HLTF: variants seen among roughly 807,000 people sequenced by gnomAD.
The protein encoded by HLTF is DNA-dependent ATPase/E3 ubiquitin-protein ligase HLTF.
A neutral mutation model predicts 129.4 loss-of-function variants in HLTF; 127 were observed. The observed-to-expected ratio is 0.98, with a 90% CI of 0.85 to 1.14. HLTF has a LOEUF of 1.14. Ranked by LOEUF, HLTF falls within the 50% of genes most tolerant of loss-of-function variation. The pLI is 0.00. For synonymous variants in HLTF, 332 were observed against 388.8 expected (o/e 0.85, Z 1.72); for missense variants, 1,139 against 1,187.1 (o/e 0.96, Z 0.60).
At chr3:149,035,326 G>C (rs1715479052) in intron 23 of HLTF, among the ~76,000 whole-genome samples, 1 of 151,580 alleles carries the variant, frequency 6.6e-6, no homozygotes, top group South Asian at 2.1e-4. Flanking sequence ...AGCAGAAAAA[G>C]GTTATACATC....
At chr3:149,053,305 C>A (rs1019752388) in intron 14 of HLTF, among the ~76,000 whole-genome samples, 39 of 152,106 alleles carry the variant, frequency 2.6e-4, no homozygotes, top group Admixed American at 2.3e-3. Flanking sequence ...GCGGTGGATC[C>A]CTCCTGAGTG....
At chr3:149,040,527 A>G (rs891715437) in intron 20 of HLTF, among the ~76,000 whole-genome samples, 10 of 152,060 alleles carry the variant, frequency 6.6e-5, no homozygotes, top group African/African-American at 2.4e-4. Flanking sequence ...ATCCATCTTA[A>G]TGGCTTATAA....
intron 13 of HLTF, among the ~76,000 whole-genome samples, chr3:149,055,678 G>A (rs768639084): frequency 6.6e-6 from 1 of 152,116 alleles, no homozygotes; most frequent in Non-Finnish European, 1.5e-5. Context: ...TCATTAAGAC[G>A]AACATTTGTT....
chr3:149,052,658 T>C (rs1717092186), intron 14 of HLTF, among the ~76,000 whole-genome samples: 1 of 152,002 alleles, frequency 6.6e-6, no homozygotes, highest in East Asian at 1.9e-4. Flanking sequence ...GTATTAAACA[T>C]GAAATAAAGG....
chr3:149,035,704 A>AGAGTCAGTAAGTC (rs1715547591), intron 23 of HLTF, among the ~76,000 whole-genome samples: 1 of 113,548 alleles, frequency 8.8e-6, no homozygotes, highest in Non-Finnish European at 2.1e-5. Context: ...AGAGTCAGTA[A>AGAGTCAGTAAGTC]GTCCTAAAAA....
At chr3:149,049,127 C>T (rs1471266340) in intron 15 of HLTF, 126 bp from the exon 16 acceptor site, 2 of 556,936 alleles carry the variant, frequency 3.6e-6, no homozygotes, top group African/African-American at 3.7e-5. Context: ...CTGCTTTAAG[C>T]ACTACATTAA....
intron 9 of HLTF, 145 bp downstream of exon 9, chr3:149,064,646 A>G: frequency 1.8e-6 from 1 of 560,206 alleles, no homozygotes; most frequent in Non-Finnish European, 3.1e-6. Flanking sequence ...GACCTTTTAA[A>G]AAAGAGATCC....
intron 10 of HLTF, among the ~76,000 whole-genome samples, chr3:149,061,337 G>A (rs1453478657): frequency 1.3e-5 from 2 of 151,918 alleles, no homozygotes; most frequent in Admixed American, 6.6e-5. Flanking sequence ...CGTGAAGCCA[G>A]GAGACGGAGT....
In HLTF at chr3:149,041,591, C is replaced by G; in HGVS notation, c.2275G>C (p.Glu759Gln). The G allele has an allele frequency of 6.2e-7, 1 of 1,611,806 alleles. No individual in the cohort carries two copies. Among genetic ancestry groups the G allele is most frequent in the Non-Finnish European group, 8.5e-7 (1 of 1,178,046 alleles). ...KLILSSGSDE[E>Q]CAICLDSLTV... ...AAAGAATCCAGGCAAATTGCACATT[C>G]CTCATCTGAACCTGAGCTCAGAATT... The change falls in exon 20 of 25, where the codon GAA (glutamate) becomes CAA (glutamine). Residue 759 changes from glutamate to glutamine, a missense_variant. Glu to Gln is a conservative substitution (Grantham distance 29, BLOSUM62 2). Coordinates refer to ENST00000310053, the MANE Select transcript of HLTF (RefSeq NM_003071.4).
At chr3:149,071,885 C>CA (rs566129792) in intron 5 of HLTF, among the ~76,000 whole-genome samples, 16 of 151,952 alleles carry the variant, frequency 1.1e-4, no homozygotes, top group African/African-American at 2.9e-4. Flanking sequence ...CCCATCTCTA[C>CA]AAAAAAATTT....
At chr3:149,044,214 T>C (rs1716354909) in intron 18 of HLTF, among the ~76,000 whole-genome samples, 1 of 152,170 alleles carries the variant, frequency 6.6e-6, no homozygotes, top group Admixed American at 6.5e-5. Context: ...CTAAGATCAA[T>C]GTATAACACC....
intron 18 of HLTF, 32 bp downstream of exon 18, chr3:149,046,048 C>G (rs1430091670): frequency 6.5e-7 from 1 of 1,536,782 alleles, no homozygotes; most frequent in Non-Finnish European, 8.9e-7. Flanking sequence ...TAAACAAAAA[C>G]TAATTTTTAA....
At chr3:149,049,834 T>C (rs1048682696) in intron 15 of HLTF, among the ~76,000 whole-genome samples, 1 of 151,894 alleles carries the variant, frequency 6.6e-6, no homozygotes, top group Non-Finnish European at 1.5e-5. Flanking sequence ...CTCTGCTGAA[T>C]AACAAAAATT....
At position 149,079,580 on chromosome 3, in the gene HLTF, GT is replaced by G. The variant is rs374063988; in HGVS notation, c.229-3534del. Among the ~76,000 whole-genome samples, 1,261 of 151,690 alleles carry G rather than the reference GT, an allele frequency of 8.3e-3. 23 individuals carry two copies. The highest frequency in any genetic ancestry group is 0.03 in the African/African-American group (1,221 of 41,340). ...CAATAGGATGGAGCTGTGAGCAAAGGTTTTTTTGGGGTTTTCTTTGTTGTTG... is the reference window on the plus strand; with the variant it reads ...CAATAGGATGGAGCTGTGAGCAAAGGTTTTTTGGGGTTTTCTTTGTTGTTG... On this transcript the variant is annotated intron_variant, in intron 2 of 24. Coordinates refer to ENST00000310053, the MANE Select transcript of HLTF (RefSeq NM_003071.4).
chr3:149,057,912 T>C (rs1717607550), intron 13 of HLTF, among the ~76,000 whole-genome samples: 2 of 152,214 alleles, frequency 1.3e-5, no homozygotes, highest in Non-Finnish European at 2.9e-5. Context: ...TCTCCTTATT[T>C]ATATTTACAG....
rs1448191986 is a variant in HLTF, at chr3:149,071,711, T to C, written c.628-54A>G. ...TAAAACAAACTAATTAAAATAATAC[T>C]TGCATTTAAGTCAGATTTGAAATCA... On this transcript the variant is annotated intron_variant, in intron 5 of 24. Transcript: ENST00000310053. 3 of 1,086,338 alleles carry C rather than the reference T, an allele frequency of 2.8e-6. No individual in the cohort carries two copies. In the Admixed American group the frequency reaches 6.6e-5, roughly 24 times the overall value. The allele number at this position is 1,086,338 out of a possible 1,614,324, so 67.3% of individuals were successfully genotyped here. A position where few individuals can be genotyped will look rare whatever the true frequency, so the allele number is the denominator to read the frequency against.
chr3:149,080,466 T>C (rs563416280), intron 2 of HLTF, among the ~76,000 whole-genome samples: 1 of 152,290 alleles, frequency 6.6e-6, no homozygotes, highest in East Asian at 1.9e-4. Flanking sequence ...TAGACAGATA[T>C]TCATCTCTAG....
chr3:149,063,510 T>C lies in HLTF; in HGVS notation c.1081A>G (p.Ser361Gly). ...DGLSKDASRCSEQPSISDIKE... is the reference protein window; with the variant it reads ...DGLSKDASRCGEQPSISDIKE... ...ATATCTGAAATACTGGGTTGTTCAC[T>C]ACATCTAGATGCGTCTATTTCAAAG... is the stretch of plus-strand genomic sequence containing the variant. Residue 361 changes from serine to glycine, a missense_variant, in exon 10 of 25, where the codon AGT (serine) becomes GGT (glycine). Ser to Gly is a moderately conservative substitution (Grantham distance 56). Coordinates refer to ENST00000310053, the MANE Select transcript of HLTF (RefSeq NM_003071.4). 8 of 1,599,322 alleles carry C rather than the reference T, an allele frequency of 5.0e-6. No individual in the cohort carries two copies. Among genetic ancestry groups the C allele is most frequent in the Non-Finnish European group, 6.9e-6 (8 of 1,166,748 alleles).
At position 149,040,018 on chromosome 3, in the gene HLTF, A is replaced by AT. The variant is rs149505542; in HGVS notation, c.2502+12dup. ...AAAACAAATACTCAAATATTTGCACATGAGTACTTTACCTTTGAACTGGAT... is the reference window on the plus strand; with the variant it reads ...AAAACAAATACTCAAATATTTGCACATTGAGTACTTTACCTTTGAACTGGAT... On this transcript the variant is annotated intron_variant, in intron 21 of 24. Coordinates refer to ENST00000310053, the MANE Select transcript of HLTF (RefSeq NM_003071.4). 2.4e-5 allele frequency: 39 copies of AT among 1,599,670 alleles called. No homozygotes were observed. In the African/African-American group the frequency reaches 5.0e-4, roughly 21 times the overall value.
Sources: allele counts gnomAD v4.1 joint callset (sites outside exome capture counted in the v4.1 genomes callset), GRCh38; gene constraint gnomAD v4.1.1; transcripts MANE v1.5; gene names NCBI Gene and HGNC (gene_info 2026-07-23, HGNC 2026-07-21).